The following BBX variants were observed in gnomAD, a reference collection of about 807,000 sequenced individuals.
BBX encodes HMG box transcription factor BBX.
BBX carries 30 observed loss-of-function variants against 100.2 expected under a neutral mutation model. The ratio of observed to expected loss-of-function variants is 0.30; its 90% confidence interval spans 0.22 to 0.41. The LOEUF (loss-of-function observed/expected upper bound fraction) is 0.41. BBX is among the 10% of genes least tolerant of loss of function. The pLI is 1.00. For synonymous variants in BBX, 376 were observed against 388.1 expected, an observed-to-expected ratio of 0.97 and a Z score of 0.37; for missense variants, 1,023 against 1,129.8, an observed-to-expected ratio of 0.91 and a Z score of 1.35.
intron 3 of BBX, among the ~76,000 whole-genome samples, chr3:107,691,622 T>A (rs921482779): frequency 6.6e-6 from 1 of 152,224 alleles, no homozygotes; most frequent in Non-Finnish European, 1.5e-5. Flanking sequence ...AATTAATCAA[T>A]GATAGCATCC....
chr3:107,707,624 G>T (rs1379080428), intron 3 of BBX, among the ~76,000 whole-genome samples: 1 of 152,142 alleles, frequency 6.6e-6, no homozygotes, highest in African/African-American at 2.4e-5. Flanking sequence ...ATTTCTGGGT[G>T]AGAAAGATTA....
At chr3:107,611,735 G>C (rs545776033) in intron 2 of BBX, among the ~76,000 whole-genome samples, 1 of 151,956 alleles carries the variant, frequency 6.6e-6, no homozygotes, top group African/African-American at 2.4e-5. Context: ...AATCTGCTTG[G>C]TGTTATGTAA....
chr3:107,789,787 G>A lies in BBX; in HGVS notation c.2204G>A (p.Gly735Asp). The change falls in exon 14 of 18, where the codon GGT becomes GAT. Residue 735 changes from glycine (G) to aspartate (D), a missense_variant and splice_region_variant. Gly to Asp is a moderately conservative substitution (Grantham distance 94). Around this residue, in one of 9 missense-constraint regions of BBX, gnomAD observed 215 missense variants for 211.3 expected, o/e 1.02. Coordinates refer to ENST00000325805, the MANE Select transcript of BBX (RefSeq NM_001142568.3). ...VSSEPTKTSK[G>D]PFQSQKKNLF... ...ATATTTATATTAATATTGTCTGTAG[G>A]TCCTTTCCAGTCTCAGAAAAAGAAC... 6.6e-7 allele frequency: 1 copy of A among 1,518,110 alleles called. No homozygotes were observed. 94.0% of individuals were successfully genotyped at this position (1,518,110 alleles called of 1,614,324 possible). A position where few individuals can be genotyped will look rare whatever the true frequency, so the allele number is the denominator to read the frequency against.
At chr3:107,594,588 T>C (rs1295680212) in intron 2 of BBX, among the ~76,000 whole-genome samples, 1 of 152,190 alleles carries the variant, frequency 6.6e-6, no homozygotes, top group African/African-American at 2.4e-5. Flanking sequence ...ATGCCAGCTC[T>C]TTCATTTCTT....
rs745687503 is a variant in BBX at position 107,778,441 on chromosome 3, G to C, written c.2125G>C (p.Asp709His). The C allele has an allele frequency of 8.7e-6, 14 of 1,613,186 alleles. No homozygotes were observed. The highest frequency in any genetic ancestry group is 4.2e-6 in the Non-Finnish European group (5 of 1,179,436). ...SLPQYSPVTF[D>H]RKCVPVPRKK... ...CCCTCAATATAGTCCTGTTACATTT[G>C]ACCGGAAATGTGTACCTGTCCCAAG... The change falls in exon 13 of 18, where the codon GAC becomes CAC. Residue 709 changes from aspartate (D) to histidine (H), a missense_variant. Asp to His is a moderately conservative substitution (Grantham distance 81). Transcript: ENST00000325805.
In BBX at chr3:107,777,337, A is replaced by G. The variant is rs149697222; in HGVS notation, c.2055-1034A>G. On this transcript the variant is annotated intron_variant, in intron 12 of 17. Transcript: ENST00000325805. ...ATTCAGTTGGTCATCTGACCCTCTT[A>G]TCTCTGCTTCTCAACTCTTGTATAT... 2.6e-4 allele frequency among the ~76,000 whole-genome samples: 40 copies of G among 152,178 alleles called. No homozygotes were observed. The East Asian group carries it at 3.7e-3, about 14-fold the overall frequency.
intron 7 of BBX, among the ~76,000 whole-genome samples, chr3:107,743,871 T>C (rs58950600): frequency 0.017 from 2,570 of 151,028 alleles, 70 homozygotes; most frequent in African/African-American, 0.059. Flanking sequence ...ACAGTACTTA[T>C]CTTTGGGAGG....
chr3:107,745,332 T>C (rs1314979991), intron 8 of BBX, among the ~76,000 whole-genome samples: 1 of 152,224 alleles, frequency 6.6e-6, no homozygotes, highest in Non-Finnish European at 1.5e-5. Context: ...TACATTTTTT[T>C]CTTAAACTTT....
intron 2 of BBX, among the ~76,000 whole-genome samples, chr3:107,619,056 T>C (rs115046276): frequency 0.012 from 1,791 of 152,212 alleles, 14 homozygotes; most frequent in Non-Finnish European, 0.018. Flanking sequence ...TTACTCTATA[T>C]ATTTTGTAGC....
chr3:107,757,793 TTAA>T, intron 10 of BBX, among the ~76,000 whole-genome samples: 1 of 152,230 alleles, frequency 6.6e-6, no homozygotes, highest in African/African-American at 2.4e-5. Context: ...CTGATGCATT[TTAA>T]GATAAATAAA....
chr3:107,582,154 G>C (rs960270376), intron 2 of BBX, among the ~76,000 whole-genome samples: 2 of 151,796 alleles, frequency 1.3e-5, no homozygotes, highest in Admixed American at 6.6e-5. Context: ...CATTTACCTA[G>C]TAGAGGTATT....
intron 10 of BBX, among the ~76,000 whole-genome samples, chr3:107,759,932 A>G (rs1049008079): frequency 6.6e-6 from 1 of 152,212 alleles, no homozygotes. Context: ...AGATCTTTCT[A>G]CAGATAAGTT....
At chr3:107,670,871 T>A (rs1377333117) in intron 3 of BBX, among the ~76,000 whole-genome samples, 1 of 152,118 alleles carries the variant, frequency 6.6e-6, no homozygotes, top group Non-Finnish European at 1.5e-5. Context: ...CGGCACTCCC[T>A]GCACAAGACA....
Position 107,557,103 on chromosome 3 carries a change from G to A in BBX, c.-84+30705G>A, listed in dbSNP as rs115759523. 7.3e-3 allele frequency among the ~76,000 whole-genome samples: 1,117 copies of A among 152,292 alleles called. 8 individuals carry two copies. Among genetic ancestry groups the A allele is most frequent in the Non-Finnish European group, 0.013 (906 of 68,028 alleles). The stretch of plus-strand genomic sequence containing the variant: ...ATACAGTTTGAGTATTAACAAAAGC[G>A]TACACTGGTGTAATTCACATACCTA... On this transcript the variant is annotated intron_variant, in intron 2 of 17. Coordinates refer to ENST00000325805, the MANE Select transcript of BBX (RefSeq NM_001142568.3).
Position 107,616,005 on chromosome 3 carries a change from C to CTT in BBX, c.-83-29795_-83-29794dup, listed in dbSNP as rs59614452. Among the ~76,000 whole-genome samples, 38 of 19,242 alleles carry CTT rather than the reference C, an allele frequency of 2.0e-3. 12 individuals are homozygous for CTT. The highest frequency in any genetic ancestry group is 4.0e-3 in the Admixed American group (6 of 1,484). The allele number at this position is 19,242 out of a possible 152,430, so 12.6% of individuals were successfully genotyped here. On this transcript the variant is annotated intron_variant, in intron 2 of 17. Coordinates refer to ENST00000325805, the MANE Select transcript of BBX (RefSeq NM_001142568.3). ...AGGAGAAGCACACGCTACTCACCTGCTTTTTTTTTTTTTTTTTTTTTTTTT... is the reference window on the plus strand; with the variant it reads ...AGGAGAAGCACACGCTACTCACCTGCTTTTTTTTTTTTTTTTTTTTTTTTTTT...
rs188298678 is a variant in BBX, at chr3:107,767,022, G to A, written c.907-5606G>A. On this transcript the variant is annotated intron_variant, in intron 10 of 17. Coordinates refer to ENST00000325805, the MANE Select transcript of BBX (RefSeq NM_001142568.3). Reference sequence around the variant, plus strand: ...AACAATGAGAACACATGGACACAGGGAGGGGAATATCACACACTGGGATCT... The same window carrying A: ...AACAATGAGAACACATGGACACAGGAAGGGGAATATCACACACTGGGATCT... Among the ~76,000 whole-genome samples the A allele has an allele frequency of 3.0e-4, 46 of 152,312 alleles. 4 individuals are homozygous for A. The Middle Eastern group carries it at 0.034, about 113-fold the overall frequency.
intron 3 of BBX, among the ~76,000 whole-genome samples, chr3:107,691,692 A>C (rs566323963): frequency 2.0e-5 from 3 of 152,200 alleles, no homozygotes; most frequent in African/African-American, 7.2e-5. Flanking sequence ...GATTGGATTC[A>C]TGCATTTACA....
chr3:107,632,143 C>T (rs2056587736), intron 2 of BBX, among the ~76,000 whole-genome samples: 1 of 152,094 alleles, frequency 6.6e-6, no homozygotes, highest in African/African-American at 2.4e-5. Flanking sequence ...GTGGCATGAC[C>T]TTGGCTCACT....
intron 3 of BBX, among the ~76,000 whole-genome samples, chr3:107,653,849 C>T (rs923575037): frequency 1.3e-5 from 2 of 152,074 alleles, no homozygotes; most frequent in Non-Finnish European, 2.9e-5. Flanking sequence ...TGAGCACTGT[C>T]CTAATAAGTT....
Sources: allele counts gnomAD v4.1 joint callset (sites outside exome capture counted in the v4.1 genomes callset), GRCh38; gene constraint gnomAD v4.1.1; regional missense constraint gnomAD v4.1.1; transcripts MANE v1.5; gene names NCBI Gene and HGNC (gene_info 2026-07-23, HGNC 2026-07-21).